NEK10: variants seen among roughly 807,000 people sequenced by gnomAD.
NEK10 encodes NIMA related kinase 10, also known as serine/threonine-protein kinase Nek10.
A neutral mutation model predicts 159.8 loss-of-function variants in NEK10; 122 were observed. The observed-to-expected ratio is 0.76, with a 90% CI of 0.66 to 0.89. The LOEUF (loss-of-function observed/expected upper bound fraction) is 0.89, where lower values mean the gene tolerates loss of function less well. Ranked by LOEUF, NEK10 falls within the 40% of genes least tolerant of loss-of-function variation. The pLI is 0.00. For missense variants in NEK10, 1,342 were observed against 1,323.1 expected, an observed-to-expected ratio of 1.01 and a Z score of -0.22; for synonymous variants, 466 against 457.1, an observed-to-expected ratio of 1.02 and a Z score of -0.25.
intron 26 of NEK10, among the ~76,000 whole-genome samples, chr3:27,180,031 A>G (rs1371114913): frequency 6.6e-6 from 1 of 152,142 alleles, no homozygotes; most frequent in South Asian, 2.1e-4. Flanking sequence ...CAGTGAGCTG[A>G]GATCATACTA....
At chr3:27,271,318 TC>T (rs944679371) in intron 22 of NEK10, among the ~76,000 whole-genome samples, 1 of 152,120 alleles carries the variant, frequency 6.6e-6, no homozygotes, top group African/African-American at 2.4e-5. Context: ...TTGCTATCTT[TC>T]CCCTTTTATG....
At chr3:27,312,044 A>G in intron 8 of NEK10, 55 bp downstream of exon 8, 1 of 1,109,234 alleles carries the variant, frequency 9.0e-7, no homozygotes, top group Non-Finnish European at 1.4e-6. Flanking sequence ...CAAACACCAT[A>G]CTGCTTTTTC....
intron 23 of NEK10, among the ~76,000 whole-genome samples, chr3:27,221,908 C>T (rs1952137831): frequency 1.3e-5 from 2 of 152,128 alleles, no homozygotes; most frequent in East Asian, 3.9e-4. Flanking sequence ...GTGCTTTCAG[C>T]TACTAGTGAT....
At chr3:27,293,721 T>C in intron 15 of NEK10, 69 bp from the exon 16 acceptor site, 1 of 852,904 alleles carries the variant, frequency 1.2e-6, no homozygotes, top group South Asian at 1.6e-5. Flanking sequence ...CAGGAAAGAA[T>C]TAACAGGAAG....
At chr3:27,291,196 C>T (rs767227154) in intron 18 of NEK10, 66 bp downstream of exon 18, 31 of 1,415,416 alleles carry the variant, frequency 2.2e-5, no homozygotes, top group Middle Eastern at 1.8e-4. Context: ...AATTGAATAT[C>T]GGTGTGCAAG....
chr3:27,138,891 C>T (rs964146401), intron 31 of NEK10, among the ~76,000 whole-genome samples: 1 of 152,156 alleles, frequency 6.6e-6, no homozygotes, highest in Admixed American at 6.5e-5. Context: ...GACTAGTAAA[C>T]AGTAATGAAG....
intron 32 of NEK10, among the ~76,000 whole-genome samples, chr3:27,125,580 A>G (rs1228275520): frequency 1.3e-5 from 2 of 152,126 alleles, no homozygotes; most frequent in Non-Finnish European, 2.9e-5. Context: ...GCTTCTCCAT[A>G]TGAGTTTTTA....
chr3:27,326,811 C>T (rs918029383), intron 5 of NEK10, among the ~76,000 whole-genome samples: 2 of 152,150 alleles, frequency 1.3e-5, no homozygotes, highest in African/African-American at 2.4e-5. Context: ...CATCTCTTTG[C>T]GCTGACCTCT....
At chr3:27,202,270 T>C (rs982322296) in intron 24 of NEK10, among the ~76,000 whole-genome samples, 158 bp downstream of exon 24, 1 of 152,206 alleles carries the variant, frequency 6.6e-6, no homozygotes, top group Admixed American at 6.5e-5. Flanking sequence ...GATATATATT[T>C]AGAAGAAAGC....
In NEK10 at chr3:27,201,654, T is replaced by C. The variant is rs1950056776; in HGVS notation, c.2221-74A>G. 1.2e-5 allele frequency: 13 copies of C among 1,066,444 alleles called. No homozygotes were observed. The Admixed American group carries it at 2.4e-4, about 20-fold the overall frequency. 66.1% of individuals were successfully genotyped at this position (1,066,444 alleles called of 1,614,324 possible). A position where few individuals can be genotyped will look rare whatever the true frequency, so the allele number is the denominator to read the frequency against. On this transcript the variant is annotated intron_variant, in intron 24 of 35. Coordinates refer to ENST00000691995, the MANE Select transcript of NEK10 (RefSeq NM_001394966.1). Reference sequence around the variant, plus strand: ...TCTTTGAATAGTTAATACTTGACCATAACCTGAGAGTTACTAATTAAGCAG... The same window carrying C: ...TCTTTGAATAGTTAATACTTGACCACAACCTGAGAGTTACTAATTAAGCAG...
chr3:27,192,613 A>G (rs1000473899), intron 25 of NEK10, among the ~76,000 whole-genome samples: 9 of 142,954 alleles, frequency 6.3e-5, no homozygotes, highest in Non-Finnish European at 1.5e-5. Context: ...AAAAAAAAAA[A>G]GCCCAGTGTC....
intron 30 of NEK10, chr3:27,143,366 TA>T (rs1943970422): frequency 3.1e-6 from 2 of 639,820 alleles, no homozygotes; most frequent in Non-Finnish European, 5.6e-6. Context: ...TTTAATGAGT[TA>T]AAATCTCACA....
At chr3:27,224,931 T>C (rs1952474434) in intron 23 of NEK10, among the ~76,000 whole-genome samples, 2 of 152,204 alleles carry the variant, frequency 1.3e-5, no homozygotes, top group Non-Finnish European at 1.5e-5. Flanking sequence ...TATAACTACA[T>C]GAAGATCCAG....
chr3:27,287,813 G>C (rs1179139675), intron 19 of NEK10, 70 bp from the exon 20 acceptor site: 2 of 1,413,226 alleles, frequency 1.4e-6, no homozygotes, highest in Admixed American at 5.8e-5. Flanking sequence ...TGACTACTTA[G>C]TTGGACTTCA....
intron 23 of NEK10, among the ~76,000 whole-genome samples, chr3:27,251,922 A>C (rs924913194): frequency 2.6e-5 from 4 of 152,240 alleles, no homozygotes; most frequent in Admixed American, 2.0e-4. Context: ...CAAGGTACTT[A>C]CTATCTCAAA....
At chr3:27,188,019 G>A (rs911260097) in intron 26 of NEK10, among the ~76,000 whole-genome samples, 1 of 152,248 alleles carries the variant, frequency 6.6e-6, no homozygotes. Context: ...GATGAACTTG[G>A]ACAAGTCTTT....
intron 3 of NEK10, among the ~76,000 whole-genome samples, chr3:27,351,119 A>G (rs1411024160): frequency 6.6e-6 from 1 of 152,204 alleles, no homozygotes; most frequent in African/African-American, 2.4e-5. Context: ...GATCACCTCT[A>G]GAATGGAAAC....
intron 31 of NEK10, among the ~76,000 whole-genome samples, chr3:27,134,400 T>C (rs1942966992): frequency 6.6e-6 from 1 of 152,182 alleles, no homozygotes; most frequent in Non-Finnish European, 1.5e-5. Flanking sequence ...ACCCTCTAGC[T>C]GCTGCCCAGC....
intron 23 of NEK10, among the ~76,000 whole-genome samples, chr3:27,213,389 T>G (rs3112803): frequency 6.6e-6 from 1 of 152,196 alleles, no homozygotes; most frequent in Non-Finnish European, 1.5e-5. Context: ...CAACAAGCCG[T>G]TTTCCTTGGT....
Sources: gnomAD v4.1 joint callset for allele counts (sites outside exome capture counted in the v4.1 genomes callset) on GRCh38, gnomAD v4.1.1 for gene constraint, MANE v1.5 for transcripts, NCBI Gene and HGNC (gene_info 2026-07-23, HGNC 2026-07-21) for gene names.